RSRC1: variants seen among roughly 807,000 people sequenced by gnomAD.
RSRC1 encodes the protein serine/Arginine-related protein 53.
Under a neutral mutation model 49.1 loss-of-function variants are expected in RSRC1, and 39 were observed. The ratio of observed to expected loss-of-function variants is 0.79; its 90% CI spans 0.61 to 1.04. The LOEUF is 1.04. Among genes scored for constraint, RSRC1 ranks in the 50% least tolerant of loss-of-function variants. The probability of loss-of-function intolerance (pLI) is 0.00; values close to 1 mark genes in which losing one functional copy is unlikely to be tolerated. For synonymous variants in RSRC1, 143 were observed against 130.8 expected, an observed-to-expected ratio of 1.09 and a Z score of -0.63; for missense variants, 388 against 402.4, an observed-to-expected ratio of 0.96 and a Z score of 0.31.
At chr3:158,121,199 T>C (rs1262408825) in intron 1 of RSRC1, among the ~76,000 whole-genome samples, 1 of 151,994 alleles carries the variant, frequency 6.6e-6, no homozygotes, top group East Asian at 1.9e-4. Flanking sequence ...TTAGAAAAAT[T>C]TTTTCAGATG....
At chr3:158,164,224 A>G (rs541982272) in intron 3 of RSRC1, among the ~76,000 whole-genome samples, 1 of 152,268 alleles carries the variant, frequency 6.6e-6, no homozygotes, top group Non-Finnish European at 1.5e-5. Flanking sequence ...AGGGAAGATT[A>G]ATGAGCAAAC....
chr3:158,532,815 A>G (rs1712480769), intron 7 of RSRC1, among the ~76,000 whole-genome samples: 1 of 151,784 alleles, frequency 6.6e-6, no homozygotes, highest in South Asian at 2.1e-4. Flanking sequence ...TAAATGTTTT[A>G]AAACATCCCA....
chr3:158,332,888 T>G (rs527931706), intron 5 of RSRC1, among the ~76,000 whole-genome samples: 3 of 152,184 alleles, frequency 2.0e-5, no homozygotes, highest in Non-Finnish European at 2.9e-5. Flanking sequence ...ATTTGAAAAA[T>G]TGACTGTTAT....
intron 7 of RSRC1, among the ~76,000 whole-genome samples, chr3:158,514,425 T>C (rs759401375): frequency 6.6e-5 from 10 of 152,304 alleles, no homozygotes; most frequent in South Asian, 2.1e-4. Flanking sequence ...AGTTGAGCGG[T>C]TTTGAGTGAG....
intron 6 of RSRC1, among the ~76,000 whole-genome samples, chr3:158,444,110 A>G (rs1005150323): frequency 3.9e-5 from 6 of 152,078 alleles, no homozygotes; most frequent in South Asian, 2.1e-4. Flanking sequence ...AGCTTAAAGT[A>G]TTGTCAGAAT....
rs573981341 is a variant in RSRC1 at position 158,151,201 on chromosome 3, TGAA to T, written c.320+27213_320+27215del. Among the ~76,000 whole-genome samples the T allele has an allele frequency of 3.6e-4, 55 of 152,258 alleles. No individual in the cohort carries two copies. In the South Asian group the frequency reaches 0.011, roughly 29 times the overall value. ...TGACACAGGAGCCTTCATAAGGAAATGAAGACATGAAGAAAGGGGTAAATCTGT... is the reference window on the plus strand; with the variant it reads ...TGACACAGGAGCCTTCATAAGGAAATGACATGAAGAAAGGGGTAAATCTGT... On this transcript the variant is annotated intron_variant, in intron 3 of 9. Coordinates refer to ENST00000611884, the MANE Select transcript of RSRC1 (RefSeq NM_001271838.2).
intron 2 of RSRC1, among the ~76,000 whole-genome samples, chr3:158,123,163 A>G (rs1033655217): frequency 1.3e-5 from 2 of 152,110 alleles, no homozygotes; most frequent in African/African-American, 4.8e-5. Flanking sequence ...ATGCACCACT[A>G]TGCCCAGCTA....
At chr3:158,267,242 A>G (rs1444243102) in intron 4 of RSRC1, among the ~76,000 whole-genome samples, 1 of 152,074 alleles carries the variant, frequency 6.6e-6, no homozygotes, top group African/African-American at 2.4e-5. Flanking sequence ...TATATACTGC[A>G]TCTTTGTTCT....
At chr3:158,296,888 G>A (rs1170532783) in intron 4 of RSRC1, among the ~76,000 whole-genome samples, 1 of 151,974 alleles carries the variant, frequency 6.6e-6, no homozygotes, top group Non-Finnish European at 1.5e-5. Context: ...AGCAAAGGTT[G>A]GAAGCCATGA....
At chr3:158,163,199 C>T (rs191379064) in intron 3 of RSRC1, among the ~76,000 whole-genome samples, 3,561 of 152,214 alleles carry the variant, frequency 0.023, 70 homozygotes, top group Non-Finnish European at 0.037. Flanking sequence ...GATGGGGTTT[C>T]ACCATGTTGG....
chr3:158,328,801 A>T (rs1729355798), intron 5 of RSRC1, among the ~76,000 whole-genome samples: 1 of 152,036 alleles, frequency 6.6e-6, no homozygotes, highest in Admixed American at 6.6e-5. Context: ...TAGGGTGGGA[A>T]AGTTCTCCTG....
chr3:158,309,004 G>A (rs1204156573), intron 5 of RSRC1, among the ~76,000 whole-genome samples: 1 of 151,714 alleles, frequency 6.6e-6, no homozygotes, highest in Admixed American at 6.6e-5. Context: ...CATATGTAAT[G>A]GTCCCCATCA....
chr3:158,485,143 C>A (rs1389662575), intron 7 of RSRC1, among the ~76,000 whole-genome samples: 1 of 151,910 alleles, frequency 6.6e-6, no homozygotes. Flanking sequence ...TAATTATTTT[C>A]TCCTGGTAAC....
At chr3:158,298,011 A>ATT in intron 4 of RSRC1, 28 bp from the exon 5 acceptor site, 1 of 1,546,446 alleles carries the variant, frequency 6.5e-7, no homozygotes, top group East Asian at 2.3e-5. Context: ...TTTAGCAACT[A>ATT]TTTAGAACTT....
intron 6 of RSRC1, among the ~76,000 whole-genome samples, chr3:158,431,632 T>C (rs1314965074): frequency 6.6e-6 from 1 of 151,954 alleles, no homozygotes; most frequent in African/African-American, 2.4e-5. Context: ...TTATTTCATT[T>C]TGTGGTATGT....
intron 6 of RSRC1, among the ~76,000 whole-genome samples, chr3:158,395,526 A>G (rs898573616): frequency 3.3e-5 from 5 of 152,276 alleles, no homozygotes; most frequent in African/African-American, 1.2e-4. Context: ...GGACATGAAC[A>G]GGCACTTTTT....
chr3:158,433,983 C>G (rs1470192772), intron 6 of RSRC1, among the ~76,000 whole-genome samples: 1 of 151,898 alleles, frequency 6.6e-6, no homozygotes, highest in African/African-American at 2.4e-5. Context: ...GTCACTCATT[C>G]TTAGAGAGTC....
chr3:158,489,888 C>T (rs1465474450), intron 7 of RSRC1, among the ~76,000 whole-genome samples: 1 of 151,798 alleles, frequency 6.6e-6, no homozygotes, highest in Non-Finnish European at 1.5e-5. Flanking sequence ...AGTTTCTGAA[C>T]TAGGAAATAT....
intron 7 of RSRC1, among the ~76,000 whole-genome samples, chr3:158,503,583 G>A (rs1187258756): frequency 6.6e-6 from 1 of 152,132 alleles, no homozygotes; most frequent in Non-Finnish European, 1.5e-5. Flanking sequence ...GGAGATGGGG[G>A]TGAAGTTCCC....
Sources: gnomAD v4.1 joint callset for allele counts (sites outside exome capture counted in the v4.1 genomes callset) on GRCh38, gnomAD v4.1.1 for gene constraint, MANE v1.5 for transcripts, NCBI Gene and HGNC (gene_info 2026-07-23, HGNC 2026-07-21) for gene names.